Variants in TEX29 observed in about 807,000 individuals in gnomAD.
TEX29 encodes testis-expressed protein 29.
A neutral mutation model predicts 18.2 loss-of-function variants in TEX29; 26 were observed. That is an observed-to-expected ratio of 1.43 (90% CI 1.04 to 1.98). The LOEUF (loss-of-function observed/expected upper bound fraction) is 1.98. TEX29 is among the 30% of genes most tolerant of loss of function. The pLI is 0.00. For missense variants in TEX29, 177 were observed against 194.2 expected, an observed-to-expected ratio of 0.91 and a Z score of 0.53; for synonymous variants, 83 against 78.5, an observed-to-expected ratio of 1.06 and a Z score of -0.31.
intron 2 of TEX29, among the ~76,000 whole-genome samples, chr13:111,327,916 G>A (rs754037946): frequency 2.0e-5 from 3 of 152,262 alleles, no homozygotes; most frequent in Non-Finnish European, 2.9e-5. Context: ...CGTGCCTGGC[G>A]CTGCTGCGCG....
upstream of TEX29, among the ~76,000 whole-genome samples, chr13:111,316,665 A>T (rs2093655159): frequency 6.6e-6 from 1 of 152,072 alleles, no homozygotes; most frequent in African/African-American, 2.4e-5. Flanking sequence ...TCCTTCAAGG[A>T]CCCTCGCTTT....
upstream of TEX29, chr13:111,316,222 C>T: frequency 5.9e-6 from 3 of 506,408 alleles, 1 homozygote; most frequent in South Asian, 2.9e-5. Context: ...TGCCAGCCAT[C>T]TGTCAAGGAA....
chr13:111,328,149 G>C (rs1567160525), intron 2 of TEX29, 34 bp from the exon 3 acceptor site: 1 of 1,440,592 alleles, frequency 6.9e-7, no homozygotes, highest in Admixed American at 1.7e-5. Flanking sequence ...TTTGTTTTCG[G>C]GGGTGACACT....
intron 3 of TEX29, among the ~76,000 whole-genome samples, chr13:111,336,802 G>A (rs7321711): frequency 2.0e-5 from 3 of 152,310 alleles, no homozygotes; most frequent in Admixed American, 6.5e-5. Flanking sequence ...GTAATAAATA[G>A]TGTTGCTAGA....
intron 5 of TEX29, 151 bp downstream of exon 5, chr13:111,343,082 C>A: frequency 1.0e-6 from 1 of 970,254 alleles, no homozygotes; most frequent in Non-Finnish European, 1.4e-6. Flanking sequence ...GTAATGTACC[C>A]AACATTGGAG....
In TEX29 at chr13:111,344,244, A is replaced by C; in HGVS notation, c.*121A>C. ...GAGAAAAAAATAAAGGTATTTTGAA[A>C]ATTGCTTCTCGTCCGATGTTGCTTA... On this transcript the variant is annotated 3_prime_UTR_variant, in exon 6 of 6. Transcript: ENST00000283547. 2.4e-6 allele frequency: 2 copies of C among 837,944 alleles called. No homozygotes were observed. The highest frequency in any genetic ancestry group is 2.3e-4 in the Middle Eastern group (1 of 4,388). The allele number at this position is 837,944 out of a possible 1,614,324, so 51.9% of individuals were successfully genotyped here. A position where few individuals can be genotyped will look rare whatever the true frequency, so the allele number is the denominator to read the frequency against.
intron 3 of TEX29, among the ~76,000 whole-genome samples, chr13:111,334,842 G>A (rs2093687400): frequency 1.3e-5 from 2 of 152,192 alleles, no homozygotes; most frequent in South Asian, 2.1e-4. Flanking sequence ...ACTCTCCGAC[G>A]ATGGGGCTTT....
intron 3 of TEX29, among the ~76,000 whole-genome samples, chr13:111,335,763 A>C (rs2093688756): frequency 6.6e-6 from 1 of 152,226 alleles, no homozygotes; most frequent in Non-Finnish European, 1.5e-5. Flanking sequence ...TAGTGATCCC[A>C]ATTTCCTCAC....
chr13:111,326,918 C>T (rs1042316528), intron 2 of TEX29, among the ~76,000 whole-genome samples: 8 of 152,188 alleles, frequency 5.3e-5, no homozygotes, highest in Admixed American at 6.5e-5. Context: ...CCCTCCTAGT[C>T]ACCCACTGTA....
chr13:111,323,749 C>T (rs1292207415), intron 2 of TEX29, among the ~76,000 whole-genome samples: 1 of 151,962 alleles, frequency 6.6e-6, no homozygotes, highest in African/African-American at 2.4e-5. Context: ...CTGCACGCCC[C>T]AGATCCCCAT....
chr13:111,325,258 C>T (rs2093670948), intron 2 of TEX29, among the ~76,000 whole-genome samples: 1 of 152,268 alleles, frequency 6.6e-6, no homozygotes. Flanking sequence ...TCCTCTCCCT[C>T]TTCCCAGCCA....
rs1290283799 is a variant in TEX29 at position 111,328,225 on chromosome 13, C to T, written c.101C>T (p.Ser34Phe). The T allele has an allele frequency of 6.2e-7, 1 of 1,613,934 alleles. No homozygotes were observed. Among genetic ancestry groups the T allele is most frequent in the South Asian group, 1.1e-5 (1 of 91,068 alleles). Residue 34 changes from serine to phenylalanine, a missense_variant, in exon 3 of 6, where the codon TCC becomes TTC. Physicochemically the swap from Ser to Phe is radical, Grantham distance 155. Transcript: ENST00000283547. ...TATGACATTTGTGACTACAACGTCT[C>T]CAGGGACCGATGCCAGGAGCTCGGG... is the stretch of plus-strand genomic sequence containing the variant. ...PLYDICDYNV[S>F]RDRCQELGCC...
intron 3 of TEX29, among the ~76,000 whole-genome samples, chr13:111,331,918 A>G (rs1345528968): frequency 1.3e-5 from 2 of 152,184 alleles, no homozygotes; most frequent in African/African-American, 4.8e-5. Flanking sequence ...CTATATGTCT[A>G]TCCTTAGCCG....
At chr13:111,318,316 T>C (rs997037386), upstream of TEX29, among the ~76,000 whole-genome samples, 1 of 152,178 alleles carries the variant, frequency 6.6e-6, no homozygotes, top group African/African-American at 2.4e-5. Flanking sequence ...ATGGGAAGAC[T>C]GCACAGTCTA....
chr13:111,344,147 A>G lies in TEX29; in HGVS notation c.*24A>G. On this transcript the variant is annotated 3_prime_UTR_variant, in exon 6 of 6. Coordinates refer to ENST00000283547, the MANE Select transcript of TEX29 (RefSeq NM_152324.3). ...GACTGAGACGCATGAAGAAGTGGAG[A>G]TTGTCAGAATTATCCAAATGAAATG... 1 of 1,605,700 alleles carries G rather than the reference A, an allele frequency of 6.2e-7. No individual in the cohort carries two copies. Among genetic ancestry groups the G allele is most frequent in the Non-Finnish European group, 8.5e-7 (1 of 1,172,674 alleles).
At chr13:111,333,886 G>C (rs1262528391) in intron 3 of TEX29, among the ~76,000 whole-genome samples, 2 of 152,170 alleles carry the variant, frequency 1.3e-5, no homozygotes, top group African/African-American at 4.8e-5. Context: ...CCTCCCACCA[G>C]GTCCCTCGCT....
intron 3 of TEX29, 88 bp from the exon 4 acceptor site, chr13:111,339,775 C>T (rs1419701129): frequency 7.1e-7 from 1 of 1,415,492 alleles, no homozygotes. Flanking sequence ...AGGGCCCGCA[C>T]CCGACTCTGG....
At chr13:111,343,024 C>A in intron 5 of TEX29, 93 bp downstream of exon 5, 1 of 1,430,152 alleles carries the variant, frequency 7.0e-7, no homozygotes, top group Non-Finnish European at 9.5e-7. Context: ...TCAACATCTA[C>A]ACAGGCCCTT....
chr13:111,330,931 T>G (rs776950169), intron 3 of TEX29, among the ~76,000 whole-genome samples: 1 of 152,230 alleles, frequency 6.6e-6, no homozygotes, highest in Non-Finnish European at 1.5e-5. Context: ...TATGCCGCAT[T>G]TTGTTGACCC....
Sources: gnomAD v4.1 joint callset for allele counts (sites outside exome capture counted in the v4.1 genomes callset) on GRCh38, gnomAD v4.1.1 for gene constraint, MANE v1.5 for transcripts, NCBI Gene and HGNC (gene_info 2026-07-23, HGNC 2026-07-21) for gene names.